Variants in RBFOX1 observed in about 807,000 individuals in gnomAD.
The protein encoded by RBFOX1 is RNA binding fox-1 homolog 1, also known as RNA binding protein fox-1 homolog 1.
Under a neutral mutation model 57.7 loss-of-function variants are expected in RBFOX1, and 8 were observed. The ratio of observed to expected loss-of-function variants is 0.14; its 90% CI spans 0.08 to 0.25. The LOEUF is 0.25. RBFOX1 is among the 10% of genes least tolerant of loss of function. The probability of loss-of-function intolerance (pLI) is 1.00; values close to 1 mark genes in which losing one functional copy is unlikely to be tolerated. For missense variants in RBFOX1, 611 were observed against 548.5 expected (o/e 1.11, Z -1.14); for synonymous variants, 326 against 222.4 (o/e 1.47, Z -4.15).
chr16:6,840,869 G>A (rs1165011810), intron 3 of RBFOX1, among the ~76,000 whole-genome samples: 5 of 129,788 alleles, frequency 3.9e-5, no homozygotes, highest in African/African-American at 6.1e-5. Flanking sequence ...CCTGGGCGAC[G>A]AAAGTGAGAC....
intron 12 of RBFOX1, among the ~76,000 whole-genome samples, chr16:7,659,759 T>C (rs1157563437): frequency 6.6e-6 from 1 of 152,230 alleles, no homozygotes; most frequent in Non-Finnish European, 1.5e-5. Flanking sequence ...TTGCTAGTTT[T>C]AAAATGTAAT....
intron 3 of RBFOX1, among the ~76,000 whole-genome samples, chr16:6,672,193 T>G (rs1178083139): frequency 6.6e-6 from 1 of 152,198 alleles, no homozygotes; most frequent in Non-Finnish European, 1.5e-5. Context: ...TTTATGAGCT[T>G]TTGGAAATAC....
At chr16:7,237,566 A>T (rs184197179) in intron 4 of RBFOX1, among the ~76,000 whole-genome samples, 4 of 152,230 alleles carry the variant, frequency 2.6e-5, no homozygotes, top group African/African-American at 7.2e-5. Context: ...ATTTGGACCA[A>T]CTGGCTTCCT....
intron 4 of RBFOX1, among the ~76,000 whole-genome samples, chr16:7,428,092 A>G (rs2098639705): frequency 6.6e-6 from 1 of 152,088 alleles, no homozygotes; most frequent in Non-Finnish European, 1.5e-5. Context: ...AGGAGGCCCC[A>G]GCTGCATTTG....
chr16:6,782,811 G>A (rs555421104), intron 3 of RBFOX1, among the ~76,000 whole-genome samples: 2 of 152,254 alleles, frequency 1.3e-5, no homozygotes, highest in Non-Finnish European at 2.9e-5. Flanking sequence ...TTTGTCCAAT[G>A]CTGAAAGTGG....
intron 4 of RBFOX1, among the ~76,000 whole-genome samples, chr16:7,190,421 G>C (rs1387407029): frequency 1.3e-5 from 2 of 152,052 alleles, no homozygotes; most frequent in Admixed American, 6.5e-5. Context: ...TTTGTTGTCA[G>C]CCTTTACAAG....
chr16:6,654,483 T>A, intron 2 of RBFOX1, 120 bp from the exon 3 acceptor site: 1 of 765,720 alleles, frequency 1.3e-6, no homozygotes, highest in African/African-American at 1.8e-5. Context: ...AAAGAACTAT[T>A]AGGAGCATGA....
intron 1 of RBFOX1, among the ~76,000 whole-genome samples, chr16:6,062,926 T>C (rs1394170341): frequency 6.6e-6 from 1 of 152,134 alleles, no homozygotes; most frequent in African/African-American, 2.4e-5. Flanking sequence ...AGAATTTCTG[T>C]GTTACAGTCT....
chr16:7,264,340 G>C (rs910418756), intron 4 of RBFOX1, among the ~76,000 whole-genome samples: 3 of 152,202 alleles, frequency 2.0e-5, no homozygotes, highest in Non-Finnish European at 2.9e-5. Flanking sequence ...TAGTTGTTGA[G>C]GGCCTCCAAG....
chr16:5,561,088 G>A (rs1310319819), intron 2 of RBFOX1, among the ~76,000 whole-genome samples: 1 of 152,136 alleles, frequency 6.6e-6, no homozygotes, highest in Non-Finnish European at 1.5e-5. Flanking sequence ...CCTCTGTTGT[G>A]TCTTCCTCCC....
chr16:5,507,873 G>A (rs1280296762), intron 2 of RBFOX1, among the ~76,000 whole-genome samples: 1 of 152,144 alleles, frequency 6.6e-6, no homozygotes, highest in Non-Finnish European at 1.5e-5. Context: ...TTCAGAGGGA[G>A]TGTGGCCCTG....
chr16:7,208,252 A>G (rs1241096645), intron 4 of RBFOX1, among the ~76,000 whole-genome samples: 1 of 152,226 alleles, frequency 6.6e-6, no homozygotes, highest in Non-Finnish European at 1.5e-5. Context: ...ATATGTTGAA[A>G]TCCTGGCTCC....
chr16:6,659,564 C>G (rs1008941571), intron 3 of RBFOX1, among the ~76,000 whole-genome samples: 1 of 152,232 alleles, frequency 6.6e-6, no homozygotes, highest in South Asian at 2.1e-4. Context: ...AGCTCAGGCA[C>G]ATTTAAGTGA....
intron 7 of RBFOX1, among the ~76,000 whole-genome samples, chr16:7,591,185 C>A (rs2094426891): frequency 6.6e-6 from 1 of 152,068 alleles, no homozygotes; most frequent in Non-Finnish European, 1.5e-5. Context: ...AGGGATGTGT[C>A]TCAGGCAGGA....
At chr16:6,883,052 C>T (rs2063284352) in intron 3 of RBFOX1, among the ~76,000 whole-genome samples, 1 of 152,130 alleles carries the variant, frequency 6.6e-6, no homozygotes. Context: ...CCTGACATTG[C>T]TGTATTCATA....
Position 5,395,158 on chromosome 16 carries a change from G to C in RBFOX1, c.220-72058G>C, listed in dbSNP as rs549059907. On this transcript the variant is annotated intron_variant, in intron 1 of 2. Transcript: ENST00000585867. The stretch of plus-strand genomic sequence containing the variant: ...TACCTGCCAGTTTTGGGGCATGCCA[G>C]CATCCCAGAGCACTGCACTTTCACA... Among the ~76,000 whole-genome samples the C allele has an allele frequency of 6.6e-5, 10 of 152,318 alleles. No individual in the cohort carries two copies. In the South Asian group the frequency reaches 2.1e-3, roughly 32 times the overall value.
At chr16:5,672,177 G>A (rs1231407556) in intron 3 of RBFOX1, among the ~76,000 whole-genome samples, 1 of 152,150 alleles carries the variant, frequency 6.6e-6, no homozygotes, top group Non-Finnish European at 1.5e-5. Flanking sequence ...GGGATGGAAG[G>A]ATTCCATCCT....
chr16:7,586,076 A>C (rs1042158049), intron 6 of RBFOX1, among the ~76,000 whole-genome samples: 1 of 152,202 alleles, frequency 6.6e-6, no homozygotes, highest in Admixed American at 6.5e-5. Context: ...GCTCAAAACA[A>C]AACAAAAAAA....
At chr16:5,559,421 C>A (rs150925291) in intron 2 of RBFOX1, among the ~76,000 whole-genome samples, 1 of 152,138 alleles carries the variant, frequency 6.6e-6, no homozygotes, top group Non-Finnish European at 1.5e-5. Flanking sequence ...TAGGCTAATA[C>A]ATGAGGAAAT....
Sources: allele counts gnomAD v4.1 joint callset (sites outside exome capture counted in the v4.1 genomes callset), GRCh38; gene constraint gnomAD v4.1.1; transcripts MANE v1.5; gene names NCBI Gene and HGNC (gene_info 2026-07-23, HGNC 2026-07-21).